Variants in NT5E observed in about 807,000 individuals in gnomAD.
NT5E encodes the protein 5'-nucleotidase.
In NT5E, 53 loss-of-function variants were observed where a neutral mutation model predicts 55.1. That is an observed-to-expected ratio of 0.96 (90% CI 0.77 to 1.21). NT5E has a LOEUF of 1.21. Among genes scored for constraint, NT5E ranks in the 50% most tolerant of loss-of-function variants. NT5E has a pLI of 0.00. For synonymous variants in NT5E, 270 were observed against 278.4 expected (o/e 0.97, Z 0.30); for missense variants, 683 against 724.3 (o/e 0.94, Z 0.65).
intron 1 of NT5E, 98 bp from the exon 2 acceptor site, chr6:85,466,962 C>T (rs1305961624): frequency 1.8e-6 from 2 of 1,134,198 alleles, no homozygotes; most frequent in African/African-American, 3.1e-5. Context: ...CAAAATCATG[C>T]AATATGTCTC....
rs1349442414 is a variant in NT5E at position 85,467,843 on chromosome 6, T to C, written c.562+561T>C. Among the ~76,000 whole-genome samples, 5 of 151,416 alleles carry C rather than the reference T, an allele frequency of 3.3e-5. No homozygotes were observed. In the East Asian group the frequency reaches 7.7e-4, roughly 23 times the overall value. On this transcript the variant is annotated intron_variant, in intron 2 of 8. Coordinates refer to ENST00000257770, the MANE Select transcript of NT5E (RefSeq NM_002526.4). Reference sequence around the variant, plus strand: ...GTGTATGTATATACATTTATAGACATATATACACATATGTATATATAATAT... The same window carrying C: ...GTGTATGTATATACATTTATAGACACATATACACATATGTATATATAATAT...
At chr6:85,460,457 A>G (rs1409271111) in intron 1 of NT5E, among the ~76,000 whole-genome samples, 1 of 152,270 alleles carries the variant, frequency 6.6e-6, no homozygotes, top group African/African-American at 2.4e-5. Flanking sequence ...ACAATAAAAT[A>G]TATCTTTAGC....
chr6:85,491,414 A>C (rs1346817425), intron 7 of NT5E: 5 of 318,196 alleles, frequency 1.6e-5, no homozygotes, highest in Non-Finnish European at 1.2e-5. Context: ...TGCAGAACAC[A>C]TTGCTGTTGA....
At chr6:85,463,098 G>C (rs549608003) in intron 1 of NT5E, among the ~76,000 whole-genome samples, 1 of 152,086 alleles carries the variant, frequency 6.6e-6, no homozygotes, top group South Asian at 2.1e-4. Flanking sequence ...AGTGTTTTAG[G>C]TTTTCTCCTA....
At chr6:85,477,902 T>G (rs959665236) in intron 3 of NT5E, among the ~76,000 whole-genome samples, 8 of 152,044 alleles carry the variant, frequency 5.3e-5, no homozygotes, top group Non-Finnish European at 8.8e-5. Flanking sequence ...ATCCCAGTGT[T>G]TGCAATTCCA....
chr6:85,473,893 T>C (rs556730099), intron 3 of NT5E, among the ~76,000 whole-genome samples: 7 of 152,374 alleles, frequency 4.6e-5, no homozygotes, highest in Admixed American at 2.0e-4. Flanking sequence ...GACTTGTCTT[T>C]ACACCATCTT....
chr6:85,487,410 CA>C lies in NT5E; in HGVS notation c.1027del (p.Ile343LeufsTer21), dbSNP rs766831323. 7 of 1,613,794 alleles carry C rather than the reference CA, an allele frequency of 4.3e-6. No homozygotes were observed. The highest frequency in any genetic ancestry group is 5.9e-6 in the Non-Finnish European group (7 of 1,179,850). The part of the protein sequence containing the change: ...DNYSTQELGK[T>X]IVYLDGSSQS... Reference sequence around the variant, plus strand: ...TATTCTACCCAGGAATTAGGGAAAACAATTGTCTATCTGGATGGCTCCTCTC... The same window carrying C: ...TATTCTACCCAGGAATTAGGGAAAACATTGTCTATCTGGATGGCTCCTCTC... On this transcript the variant is annotated frameshift_variant, in exon 5 of 9. Transcript: ENST00000257770. LOFTEE classifies it high-confidence loss of function.
At chr6:85,481,246 T>A (rs181950628) in intron 3 of NT5E, among the ~76,000 whole-genome samples, 49 of 152,304 alleles carry the variant, frequency 3.2e-4, no homozygotes, top group African/African-American at 1.0e-3. Context: ...TCAGATTTTT[T>A]AAAAATACAT....
In NT5E at chr6:85,494,836, C is replaced by T. The variant is rs1201060394; in HGVS notation, c.*832C>T. Reference sequence around the variant, plus strand: ...AGAGAAAGGAAGGGGAAGAACAGGACTCCAGGACTGTTTTATATTATAGAA... The same window carrying T: ...AGAGAAAGGAAGGGGAAGAACAGGATTCCAGGACTGTTTTATATTATAGAA... On this transcript the variant is annotated 3_prime_UTR_variant, in exon 9 of 9. Transcript: ENST00000257770. 4 of 152,242 alleles carry T rather than the reference C, an allele frequency of 2.6e-5. No individual in the cohort carries two copies. The highest frequency in any genetic ancestry group is 4.4e-5 in the Non-Finnish European group (3 of 68,082). The allele number at this position is 152,242 out of a possible 1,614,324, so 9.4% of individuals were successfully genotyped here.
intron 1 of NT5E, among the ~76,000 whole-genome samples, chr6:85,466,602 G>A (rs1287881563): frequency 1.3e-5 from 2 of 152,176 alleles, no homozygotes; most frequent in East Asian, 1.9e-4. Flanking sequence ...GTGAAATGAG[G>A]AAGGAGGCCT....
intron 1 of NT5E, among the ~76,000 whole-genome samples, chr6:85,457,480 G>A (rs186852422): frequency 1.3e-5 from 2 of 152,252 alleles, no homozygotes; most frequent in Admixed American, 1.3e-4. Flanking sequence ...CTCTGGACAA[G>A]TCTAAGTTTG....
chr6:85,490,976 TA>T (rs1417084490), intron 7 of NT5E: 7 of 492,874 alleles, frequency 1.4e-5, no homozygotes, highest in Non-Finnish European at 2.4e-5. Flanking sequence ...AGCATTCAAT[TA>T]TTTTTTTTTT....
chr6:85,479,136 T>C (rs1769493046), intron 3 of NT5E, among the ~76,000 whole-genome samples: 1 of 152,196 alleles, frequency 6.6e-6, no homozygotes, highest in South Asian at 2.1e-4. Flanking sequence ...TAAAATTAAC[T>C]ACTAATCCTA....
intron 8 of NT5E, 97 bp from the exon 9 acceptor site, chr6:85,493,744 T>A: frequency 9.8e-7 from 1 of 1,017,158 alleles, no homozygotes. Context: ...TACCCCTGCT[T>A]ATGAAATTGC....
Position 85,477,055 on chromosome 6 carries a change from C to T in NT5E, c.751+5630C>T, listed in dbSNP as rs552505913. Among the ~76,000 whole-genome samples, 13 of 152,302 alleles carry T rather than the reference C, an allele frequency of 8.5e-5. No individual in the cohort carries two copies. In the South Asian group the frequency reaches 2.5e-3, roughly 29 times the overall value. On this transcript the variant is annotated intron_variant, in intron 3 of 8. Transcript: ENST00000257770. The stretch of plus-strand genomic sequence containing the variant: ...TCTACCTAGTATTTCCCTGCCTCCA[C>T]TCTCCAACTCTCTTATCACAGGCCT...
At chr6:85,471,852 G>A (rs1422597083) in intron 3 of NT5E, among the ~76,000 whole-genome samples, 1 of 152,132 alleles carries the variant, frequency 6.6e-6, no homozygotes, top group Non-Finnish European at 1.5e-5. Context: ...GATTTGATTT[G>A]TAGGTTGCAC....
Position 85,485,364 on chromosome 6 carries a change from T to G in NT5E, c.881T>G (p.Phe294Cys), listed in dbSNP as rs1024438175. ...GKYLGYLKIE[F>C]DERGNVISSH... ...TACCTAGGCTATCTGAAGATCGAGT[T>G]TGATGAAAGAGGAAACGTCATCTCT... is the stretch of plus-strand genomic sequence containing the variant. Residue 294 changes from phenylalanine (F) to cysteine (C), a missense_variant, in exon 4 of 9, where the codon TTT becomes TGT. By Grantham distance (205) the Phe-to-Cys change is radical. Coordinates refer to ENST00000257770, the MANE Select transcript of NT5E (RefSeq NM_002526.4). The G allele has an allele frequency of 3.7e-6, 6 of 1,614,040 alleles. No individual in the cohort carries two copies. The Admixed American group carries it at 8.3e-5, about 22-fold the overall frequency.
intron 1 of NT5E, among the ~76,000 whole-genome samples, chr6:85,464,689 A>T (rs1028185183): frequency 2.6e-5 from 4 of 152,216 alleles, no homozygotes; most frequent in Non-Finnish European, 4.4e-5. Flanking sequence ...GCAGCAATAT[A>T]AAGAATAGTT....
intron 3 of NT5E, among the ~76,000 whole-genome samples, chr6:85,478,641 A>G (rs1769483160): frequency 6.6e-6 from 1 of 152,156 alleles, no homozygotes; most frequent in Non-Finnish European, 1.5e-5. Context: ...TGATATGGCT[A>G]CCTTAGAGAG....
Sources: allele counts gnomAD v4.1 joint callset (sites outside exome capture counted in the v4.1 genomes callset), GRCh38; gene constraint gnomAD v4.1.1; transcripts MANE v1.5; gene names NCBI Gene and HGNC (gene_info 2026-07-23, HGNC 2026-07-21).